HMGA2: variants seen among roughly 807,000 people sequenced by gnomAD.
HMGA2 encodes high mobility group AT-hook 2.
Under a neutral mutation model 19.1 loss-of-function variants are expected in HMGA2, and 8 were observed. The ratio of observed to expected loss-of-function variants is 0.42; its 90% CI spans 0.25 to 0.76. HMGA2 has a LOEUF of 0.76. HMGA2 is among the 30% of genes least tolerant of loss of function. The pLI, the probability that HMGA2 is intolerant of heterozygous loss-of-function variation, is 0.28. For missense variants in HMGA2, 109 were observed against 136.3 expected, an observed-to-expected ratio of 0.80 and a Z score of 1.00; for synonymous variants, 60 against 48.8, an observed-to-expected ratio of 1.23 and a Z score of -0.96.
At chr12:65,836,472 GA>G (rs565687773) in intron 2 of HMGA2, among the ~76,000 whole-genome samples, 7 of 152,170 alleles carry the variant, frequency 4.6e-5, no homozygotes, top group Non-Finnish European at 1.0e-4. Context: ...GTACTTCTAG[GA>G]ATGATGTCTC....
intron 3 of HMGA2, chr12:65,859,698 T>C (rs1363196522): frequency 6.5e-6 from 1 of 153,556 alleles, no homozygotes; most frequent in Non-Finnish European, 1.5e-5. Flanking sequence ...CTCATCCTTG[T>C]AGGAGGGTAA....
At chr12:65,856,254 GTGAATT>G (rs1276067369) in intron 3 of HMGA2, 1 of 152,216 alleles carries the variant, frequency 6.6e-6, no homozygotes, top group East Asian at 1.9e-4. Flanking sequence ...TGCCAGAACA[GTGAATT>G]TGAAAGTATT....
chr12:65,839,781 T>C (rs1014110901), intron 3 of HMGA2, among the ~76,000 whole-genome samples: 4 of 152,214 alleles, frequency 2.6e-5, no homozygotes, highest in Non-Finnish European at 5.9e-5. Context: ...TCTAGCGTGC[T>C]TGATTACCTT....
chr12:65,867,734 G>A lies in HMGA2; in HGVS notation c.249+29165G>A, dbSNP rs143197250. On this transcript the variant is annotated intron_variant, in intron 3 of 4. Transcript: ENST00000403681. ...AACTTTGGATGGAGTTTTGAAGGAA[G>A]TGAGGAAAAGATCTGAATTAACGTA... 1.3e-4 allele frequency: 30 copies of A among 237,610 alleles called. 1 individual carries two copies. Among genetic ancestry groups the A allele is most frequent in the African/African-American group, 6.1e-4 (28 of 45,752 alleles). 14.7% of individuals were successfully genotyped at this position (237,610 alleles called of 1,614,324 possible). A position where few individuals can be genotyped will look rare whatever the true frequency, so the allele number is the denominator to read the frequency against.
intron 3 of HMGA2, among the ~76,000 whole-genome samples, chr12:65,937,101 C>A (rs1392774806): frequency 6.6e-6 from 1 of 152,182 alleles, no homozygotes; most frequent in Non-Finnish European, 1.5e-5. Flanking sequence ...TAGCACCTTA[C>A]AAACATCCTT....
At chr12:65,868,548 A>C (rs1379938079) in intron 3 of HMGA2, among the ~76,000 whole-genome samples, 1 of 152,180 alleles carries the variant, frequency 6.6e-6, no homozygotes, top group African/African-American at 2.4e-5. Context: ...ACTTGGGCCC[A>C]AAGCACCACC....
chr12:65,869,282 C>G (rs899359258), intron 3 of HMGA2, among the ~76,000 whole-genome samples: 1 of 152,102 alleles, frequency 6.6e-6, no homozygotes, highest in African/African-American at 2.4e-5. Context: ...GATCACAGAG[C>G]AACTCAGAAA....
At chr12:65,915,178 T>C (rs367605079) in intron 3 of HMGA2, 30 of 1,610,790 alleles carry the variant, frequency 1.9e-5, no homozygotes, top group Middle Eastern at 1.7e-4. Context: ...ATTTTCACCT[T>C]GAGGAATTGT....
intron 3 of HMGA2, among the ~76,000 whole-genome samples, chr12:65,880,989 A>T (rs1380328846): frequency 6.6e-6 from 1 of 151,926 alleles, no homozygotes; most frequent in Non-Finnish European, 1.5e-5. Flanking sequence ...TGTAGGGAAA[A>T]TTTTCAAATG....
At chr12:65,843,482 C>G (rs948265026) in intron 3 of HMGA2, 6 of 192,244 alleles carry the variant, frequency 3.1e-5, no homozygotes, top group Non-Finnish European at 6.5e-5. Flanking sequence ...ATTTGAGGAT[C>G]GAGAAGGGAG....
At chr12:65,920,789 T>C (rs1293733628) in intron 3 of HMGA2, among the ~76,000 whole-genome samples, 2 of 152,220 alleles carry the variant, frequency 1.3e-5, no homozygotes, top group Non-Finnish European at 2.9e-5. Context: ...GTCTCAGGTA[T>C]GTCTTTATCA....
intron 3 of HMGA2, among the ~76,000 whole-genome samples, chr12:65,852,150 A>G (rs1450514789): frequency 6.7e-6 from 1 of 148,528 alleles, no homozygotes; most frequent in Non-Finnish European, 1.5e-5. Context: ...TAATTTGTAC[A>G]AATAAAGCAC....
chr12:65,877,806 C>G (rs1270952433), intron 3 of HMGA2, among the ~76,000 whole-genome samples: 1 of 149,130 alleles, frequency 6.7e-6, no homozygotes, highest in Non-Finnish European at 1.5e-5. Flanking sequence ...TCCCTTTTGT[C>G]TTTGCTTCAA....
At chr12:65,962,451 C>A (rs918084349) in intron 4 of HMGA2, among the ~76,000 whole-genome samples, 2 of 152,146 alleles carry the variant, frequency 1.3e-5, no homozygotes, top group Non-Finnish European at 2.9e-5. Flanking sequence ...GCTTGGCTAG[C>A]CCACCATCAA....
intron 3 of HMGA2, among the ~76,000 whole-genome samples, chr12:65,844,053 A>G (rs1374896785): frequency 1.3e-5 from 2 of 149,216 alleles, no homozygotes; most frequent in African/African-American, 2.5e-5. Context: ...TCCATCTCAA[A>G]AAAAAAAAAA....
chr12:65,858,548 T>C (rs1290812717), intron 3 of HMGA2: 2 of 152,214 alleles, frequency 1.3e-5, no homozygotes, highest in Admixed American at 6.5e-5. Flanking sequence ...AAAAAACCAC[T>C]CTGTAACAAT....
chr12:65,873,577 T>C (rs1202315216), intron 3 of HMGA2, among the ~76,000 whole-genome samples: 3 of 152,192 alleles, frequency 2.0e-5, no homozygotes, highest in Non-Finnish European at 2.9e-5. Flanking sequence ...ATTTCCCTTA[T>C]AAATATGAAA....
intron 3 of HMGA2, among the ~76,000 whole-genome samples, chr12:65,863,064 C>T (rs932241804): frequency 2.6e-5 from 4 of 152,154 alleles, no homozygotes; most frequent in African/African-American, 9.7e-5. Flanking sequence ...CTGAGCTTAC[C>T]ACTGGGATAA....
chr12:65,915,683 G>A (rs1211802674), intron 3 of HMGA2, among the ~76,000 whole-genome samples: 1 of 152,072 alleles, frequency 6.6e-6, no homozygotes, highest in East Asian at 1.9e-4. Context: ...GCCAGTTCCA[G>A]CTATTTCTTT....
Sources: gnomAD v4.1 joint callset for allele counts (sites outside exome capture counted in the v4.1 genomes callset) on GRCh38, gnomAD v4.1.1 for gene constraint, MANE v1.5 for transcripts, NCBI Gene and HGNC (gene_info 2026-07-23, HGNC 2026-07-21) for gene names.